Variants in CCNB1IP1 observed in about 807,000 individuals in gnomAD.
The protein encoded by CCNB1IP1 is cyclin B1 interacting protein 1.
In CCNB1IP1, 14 loss-of-function variants were observed where a neutral mutation model predicts 25.6. The ratio of observed to expected loss-of-function variants is 0.55; its 90% CI spans 0.36 to 0.85. The LOEUF is 0.85. CCNB1IP1 is among the 40% of genes least tolerant of loss of function. The pLI is 0.01. For synonymous variants in CCNB1IP1, 119 were observed against 116.1 expected (o/e 1.02, Z -0.16); for missense variants, 278 against 342.4 (o/e 0.81, Z 1.48).
intron 4 of CCNB1IP1, among the ~76,000 whole-genome samples, chr14:20,319,533 C>T (rs1204116051): frequency 6.6e-6 from 1 of 152,178 alleles, no homozygotes; most frequent in Non-Finnish European, 1.5e-5. Context: ...CTTTGTGATC[C>T]TAGCCAATTC....
At chr14:20,315,854 G>A (rs878987541) in intron 5 of CCNB1IP1, 2 of 802,576 alleles carry the variant, frequency 2.5e-6, no homozygotes, top group Non-Finnish European at 3.6e-6. Context: ...GACTAGCCTG[G>A]GCAACACAAG....
intron 4 of CCNB1IP1, among the ~76,000 whole-genome samples, chr14:20,322,879 T>C (rs1206723037): frequency 1.3e-5 from 2 of 152,060 alleles, no homozygotes; most frequent in African/African-American, 4.8e-5. Context: ...CACCTCAGCC[T>C]CCTAAAGTGC....
intron 1 of CCNB1IP1, among the ~76,000 whole-genome samples, chr14:20,332,023 TA>T (rs1200274591): frequency 0.017 from 922 of 53,840 alleles, 10 homozygotes; most frequent in Middle Eastern, 0.053. Flanking sequence ...TATATATATA[TA>T]TATTTTTTTT....
intron 5 of CCNB1IP1, among the ~76,000 whole-genome samples, chr14:20,315,136 CAAAA>C (rs1159450735): frequency 5.5e-4 from 5 of 9,070 alleles, no homozygotes; most frequent in East Asian, 3.3e-3. Context: ...TACACCTCAC[CAAAA>C]AAAAAAAAAA....
chr14:20,330,125 A>AAAAC (rs1345596226), intron 1 of CCNB1IP1, among the ~76,000 whole-genome samples: 1 of 150,826 alleles, frequency 6.6e-6, no homozygotes, highest in Admixed American at 6.6e-5. Flanking sequence ...AAAACAAAAA[A>AAAAC]CATGTCCTTT....
At chr14:20,316,639 GTT>G in intron 4 of CCNB1IP1, 79 bp from the exon 5 acceptor site, 1 of 707,134 alleles carries the variant, frequency 1.4e-6, no homozygotes, top group Non-Finnish European at 2.3e-6. Context: ...TAACATGCAC[GTT>G]TTTATCATAA....
intron 4 of CCNB1IP1, among the ~76,000 whole-genome samples, chr14:20,321,673 G>T (rs757739678): frequency 1.7e-4 from 26 of 152,128 alleles, no homozygotes; most frequent in Non-Finnish European, 2.9e-5. Context: ...GGCTGGTCTT[G>T]AACTCCTAGA....
intron 1 of CCNB1IP1, among the ~76,000 whole-genome samples, chr14:20,330,251 T>G (rs1270561164): frequency 6.6e-6 from 1 of 152,042 alleles, no homozygotes; most frequent in East Asian, 1.9e-4. Context: ...AAATCTTGCG[T>G]TGGGAGCTAA....
intron 1 of CCNB1IP1, chr14:20,330,555 T>C (rs998451275): frequency 4.0e-5 from 6 of 151,834 alleles, no homozygotes; most frequent in African/African-American, 9.7e-5. Flanking sequence ...AGGTCACTCA[T>C]ATAGTACTCA....
At chr14:20,314,751 TA>T in intron 5 of CCNB1IP1, 1 of 152,074 alleles carries the variant, frequency 6.6e-6, no homozygotes, top group African/African-American at 2.4e-5. Context: ...ACAGTAAGGA[TA>T]AAAAGAACAC....
chr14:20,315,173 A>G (rs1024674917), intron 5 of CCNB1IP1, among the ~76,000 whole-genome samples: 9 of 149,312 alleles, frequency 6.0e-5, no homozygotes, highest in African/African-American at 2.2e-4. Context: ...AAGGCAAAAA[A>G]GCATATGAAA....
chr14:20,332,026 A>ATTTTTTT lies in CCNB1IP1; in HGVS notation c.-431+1221_-431+1227dup, dbSNP rs57345952. Among the ~76,000 whole-genome samples the ATTTTTTT allele has an allele frequency of 2.3e-3, 94 of 40,742 alleles. 6 individuals carry two copies. Among genetic ancestry groups the ATTTTTTT allele is most frequent in the South Asian group, 0.012 (8 of 662 alleles). 26.7% of individuals were successfully genotyped at this position (40,742 alleles called of 152,430 possible). On this transcript the variant is annotated intron_variant, in intron 1 of 6. Transcript: ENST00000358932. ...TATACATATATATATATATATATAT[A>ATTTTTTT]TTTTTTTTTTTTTTTTTTTTTTTTT...
At chr14:20,317,997 A>T (rs1882770727) in intron 4 of CCNB1IP1, 2 of 152,386 alleles carry the variant, frequency 1.3e-5, no homozygotes, top group African/African-American at 4.8e-5. Context: ...AGAAATTCCC[A>T]GAAACAGAGT....
At chr14:20,326,498 A>G (rs1367128696) in intron 3 of CCNB1IP1, 1 of 534,764 alleles carries the variant, frequency 1.9e-6, no homozygotes, top group South Asian at 1.4e-5. Flanking sequence ...TGAAACACGG[A>G]CTTAACATGC....
intron 2 of CCNB1IP1, among the ~76,000 whole-genome samples, chr14:20,328,652 A>G (rs904654358): frequency 2.6e-5 from 4 of 152,228 alleles, no homozygotes; most frequent in Non-Finnish European, 5.9e-5. Flanking sequence ...TATAGGTTGA[A>G]AGGAACAACT....
chr14:20,313,584 T>C lies in CCNB1IP1; in HGVS notation c.515A>G (p.Gln172Arg), dbSNP rs1192372445. 1.2e-6 allele frequency: 2 copies of C among 1,614,108 alleles called. No individual in the cohort carries two copies. Among genetic ancestry groups the C allele is most frequent in the East Asian group, 2.2e-5 (1 of 44,892 alleles). The part of the protein sequence containing the change: ...EKLMERNRQY[Q>R]KLQGLYDSLR... ...GCTATCATAGAGGCCTTGGAGCTTT[T>C]GATACTGACGATTGCGCTCCATAAG... Residue 172 changes from glutamine to arginine, a missense_variant, in exon 6 of 7, where the codon CAA becomes CGA. Physicochemically the swap from Gln to Arg is conservative, Grantham distance 43. Coordinates refer to ENST00000358932, the MANE Select transcript of CCNB1IP1 (RefSeq NM_021178.5).
At chr14:20,325,771 C>T (rs942675705) in intron 3 of CCNB1IP1, 118 bp from the exon 4 acceptor site, 1 of 145,766 alleles carries the variant, frequency 6.9e-6, no homozygotes, top group East Asian at 1.9e-4. Flanking sequence ...AATGCAGGCA[C>T]GGGTAAAGAA....
chr14:20,321,587 G>A (rs1176634561), intron 4 of CCNB1IP1, among the ~76,000 whole-genome samples: 18 of 152,106 alleles, frequency 1.2e-4, no homozygotes, highest in Admixed American at 1.2e-3. Flanking sequence ...GCATAGCTGG[G>A]ACTACAGGCA....
intron 5 of CCNB1IP1, chr14:20,315,500 A>G (rs1054965167): frequency 2.5e-5 from 28 of 1,130,504 alleles, no homozygotes; most frequent in Admixed American, 9.4e-5. Flanking sequence ...AAAATATAAT[A>G]AAAAGTTACT....
Sources: allele counts gnomAD v4.1 joint callset (sites outside exome capture counted in the v4.1 genomes callset), GRCh38; gene constraint gnomAD v4.1.1; transcripts MANE v1.5; gene names NCBI Gene and HGNC (gene_info 2026-07-23, HGNC 2026-07-21).